SLC14A2: variants seen among roughly 807,000 people sequenced by gnomAD.
SLC14A2 encodes urea transporter 2.
A neutral mutation model predicts 104.6 loss-of-function variants in SLC14A2; 91 were observed. The ratio of observed to expected loss-of-function variants is 0.87; its 90% CI spans 0.73 to 1.04. The LOEUF (loss-of-function observed/expected upper bound fraction) is 1.04. Among genes scored for constraint, SLC14A2 ranks in the 50% least tolerant of loss-of-function variants. The pLI, the probability that SLC14A2 is intolerant of heterozygous loss-of-function variation, is 0.00. For missense variants in SLC14A2, 1,189 were observed against 1,156.0 expected, an observed-to-expected ratio of 1.03 and a Z score of -0.41; for synonymous variants, 476 against 466.4, an observed-to-expected ratio of 1.02 and a Z score of -0.27.
At chr18:45,527,587 ACT>A (rs2043612475) in intron 2 of SLC14A2, among the ~76,000 whole-genome samples, 1 of 152,142 alleles carries the variant, frequency 6.6e-6, no homozygotes. Flanking sequence ...TTTTCTACAG[ACT>A]CATGATATGG....
intron 1 of SLC14A2, among the ~76,000 whole-genome samples, chr18:45,326,957 T>C (rs1180946857): frequency 6.6e-6 from 1 of 152,034 alleles, no homozygotes. Context: ...GAACCAGACT[T>C]TTCCCTTCTC....
At chr18:45,654,632 G>A (rs545387444) in intron 10 of SLC14A2, among the ~76,000 whole-genome samples, 1 of 152,318 alleles carries the variant, frequency 6.6e-6, no homozygotes, top group Middle Eastern at 3.4e-3. Context: ...AGACAACATA[G>A]ATTTTGGAAG....
intron 2 of SLC14A2, among the ~76,000 whole-genome samples, chr18:45,495,432 G>A (rs903905419): frequency 4.6e-5 from 7 of 152,168 alleles, no homozygotes; most frequent in African/African-American, 1.7e-4. Context: ...TCACTTGACT[G>A]GTCCCTAGTC....
At chr18:45,515,028 C>A (rs2043418747) in intron 2 of SLC14A2, among the ~76,000 whole-genome samples, 1 of 152,212 alleles carries the variant, frequency 6.6e-6, no homozygotes, top group Non-Finnish European at 1.5e-5. Context: ...CCTGACAGCA[C>A]TGACTTTTCC....
At chr18:45,505,188 C>T (rs191457469) in intron 2 of SLC14A2, among the ~76,000 whole-genome samples, 1 of 152,116 alleles carries the variant, frequency 6.6e-6, no homozygotes, top group East Asian at 1.9e-4. Context: ...TAGGGAGAGG[C>T]TGTTTGGATA....
intron 1 of SLC14A2, among the ~76,000 whole-genome samples, chr18:45,458,215 C>T (rs2086979799): frequency 6.6e-6 from 1 of 152,138 alleles, no homozygotes; most frequent in Non-Finnish European, 1.5e-5. Context: ...CTGGGCAGCA[C>T]AAAGGAGCTT....
intron 10 of SLC14A2, among the ~76,000 whole-genome samples, chr18:45,648,218 T>A (rs1328731850): frequency 7.0e-5 from 7 of 99,786 alleles, no homozygotes; most frequent in Admixed American, 6.3e-4. Context: ...TTTTTTTTTT[T>A]TTTTTGAGAT....
chr18:45,415,865 C>T (rs1007942592), intron 1 of SLC14A2, among the ~76,000 whole-genome samples: 1 of 152,074 alleles, frequency 6.6e-6, no homozygotes, highest in Non-Finnish European at 1.5e-5. Flanking sequence ...GACTTACAGC[C>T]CATCATTTCT....
intron 16 of SLC14A2, among the ~76,000 whole-genome samples, chr18:45,670,191 T>C (rs1372711043): frequency 2.6e-5 from 4 of 152,146 alleles, no homozygotes; most frequent in Admixed American, 6.5e-5. Flanking sequence ...CTCAGGGCTT[T>C]TTCTACTACA....
chr18:45,178,828 G>C, the SLC14A2 span, among the ~76,000 whole-genome samples: 3,177 of 152,262 alleles, frequency 0.021, 63 homozygotes, highest in South Asian at 0.057. Flanking sequence ...GCATACCCTA[G>C]CTCTAGTACC....
chr18:45,414,752 AAAAAAATAT>A (rs2086252642), intron 1 of SLC14A2, among the ~76,000 whole-genome samples: 2 of 79,330 alleles, frequency 2.5e-5, no homozygotes, highest in East Asian at 6.7e-4. Context: ...CGTAAAAAAA[AAAAAAATAT>A]ATATATATAT....
chr18:45,680,074 G>A (rs1435777511), intron 19 of SLC14A2, among the ~76,000 whole-genome samples: 3 of 152,166 alleles, frequency 2.0e-5, no homozygotes, highest in Non-Finnish European at 4.4e-5. Context: ...TCTATGACAG[G>A]GTGTTTTAGA....
At chr18:45,448,367 A>G (rs1211763840) in intron 1 of SLC14A2, among the ~76,000 whole-genome samples, 1 of 152,226 alleles carries the variant, frequency 6.6e-6, no homozygotes, top group African/African-American at 2.4e-5. Flanking sequence ...GACAGTTTGT[A>G]CAATGAAAGA....
intron 1 of SLC14A2, among the ~76,000 whole-genome samples, chr18:45,436,878 G>A (rs1020151281): frequency 4.6e-5 from 7 of 152,058 alleles, no homozygotes; most frequent in African/African-American, 1.7e-4. Flanking sequence ...ATCAAAAGGT[G>A]GGTGCAAGGG....
intron 2 of SLC14A2, among the ~76,000 whole-genome samples, chr18:45,542,810 C>T (rs952814523): frequency 7.2e-5 from 11 of 152,242 alleles, no homozygotes; most frequent in African/African-American, 1.9e-4. Flanking sequence ...ATCCACCATT[C>T]GCTCATCTCA....
chr18:45,504,135 A>G (rs1277926260), intron 2 of SLC14A2, among the ~76,000 whole-genome samples: 1 of 152,212 alleles, frequency 6.6e-6, no homozygotes, highest in African/African-American at 2.4e-5. Context: ...AGCTGTGGCT[A>G]CAGTTCATGA....
At chr18:45,630,159 T>C (rs2045321614) in intron 4 of SLC14A2, among the ~76,000 whole-genome samples, 1 of 152,216 alleles carries the variant, frequency 6.6e-6, no homozygotes, top group African/African-American at 2.4e-5. Context: ...TGGTTTCCAA[T>C]GGGCCATATA....
chr18:45,378,896 C>A (rs1598736742), intron 1 of SLC14A2, among the ~76,000 whole-genome samples: 2 of 152,152 alleles, frequency 1.3e-5, no homozygotes, highest in African/African-American at 4.8e-5. Context: ...CAGGCGTGAG[C>A]CACCGCTCCT....
At chr18:45,481,870 CT>C (rs1223252307) in intron 1 of SLC14A2, among the ~76,000 whole-genome samples, 3 of 152,144 alleles carry the variant, frequency 2.0e-5, no homozygotes, top group African/African-American at 7.2e-5. Flanking sequence ...AACAATGGTA[CT>C]TTGAAAATTG....
Sources: allele counts gnomAD v4.1 joint callset (sites outside exome capture counted in the v4.1 genomes callset), GRCh38; gene constraint gnomAD v4.1.1; transcripts MANE v1.5; gene names NCBI Gene and HGNC (gene_info 2026-07-23, HGNC 2026-07-21).